NUFIP2: variants seen among roughly 807,000 people sequenced by gnomAD.
NUFIP2 encodes FMR1-interacting protein NUFIP2.
A neutral mutation model predicts 56.9 loss-of-function variants in NUFIP2; 6 were observed. That is an observed-to-expected ratio of 0.11 (90% CI 0.06 to 0.21). NUFIP2 has a LOEUF of 0.21. Ranked by LOEUF, NUFIP2 falls within the 10% of genes least tolerant of loss-of-function variation. The probability of loss-of-function intolerance (pLI) is 1.00; values close to 1 mark genes in which losing one functional copy is unlikely to be tolerated. For missense variants in NUFIP2, 828 were observed against 826.8 expected, an observed-to-expected ratio of 1.00 and a Z score of -0.02; for synonymous variants, 321 against 298.2, an observed-to-expected ratio of 1.08 and a Z score of -0.79.
At position 29,286,131 on chromosome 17, in the gene NUFIP2, T is replaced by C. The variant is rs760112009; in HGVS notation, c.1863A>G (p.Ile621Met). The C allele has an allele frequency of 3.7e-6, 6 of 1,614,196 alleles. No homozygotes were observed. In the Admixed American group the frequency reaches 6.7e-5, roughly 18 times the overall value. The change falls in exon 2 of 4, where the codon ATA (isoleucine) becomes ATG (methionine). Residue 621 changes from isoleucine (I) to methionine (M), a missense_variant. This residue lies in a region of NUFIP2 where 404 missense variants were observed against 380.3 expected (regional missense o/e 1.06). Transcript: ENST00000225388. The stretch of plus-strand genomic sequence containing the variant: ...GAGAGGCCAGAGGATTTTGACTTTC[T>C]ATCTCGTAGTCCTTTGAGAGAAACA... ...ALVFLSKDYE[I>M]ESQNPLASPT... is the part of the protein sequence containing the mutation.
Position 29,293,859 on chromosome 17 carries a change from C to T in NUFIP2, c.201G>A (p.Lys67=), listed in dbSNP as rs759145753. The T allele has an allele frequency of 6.2e-7, 1 of 1,613,154 alleles. No homozygotes were observed. Among genetic ancestry groups the T allele is most frequent in the South Asian group, 1.1e-5 (1 of 91,040 alleles). Residue 67 remains lysine (K), a synonymous_variant, in exon 1 of 4, where the codon AAG becomes AAA. Transcript: ENST00000225388. ...CATGTTTCAGCGGCTTTGGCTGGGC[C>T]TTGGGGCTGCCCTCGGCTCCATGCT... ...YLQHGAEGSP[K]AQPKPLKHEQ...
intron 2 of NUFIP2, among the ~76,000 whole-genome samples, chr17:29,277,393 T>C (rs1475336847): frequency 6.6e-6 from 1 of 152,122 alleles, no homozygotes; most frequent in South Asian, 2.1e-4. Flanking sequence ...ATCAACATAA[T>C]GCCAAACAAA....
rs2069000734 is a variant in NUFIP2, at chr17:29,261,237, T to A, written c.*3302A>T. Reference sequence around the variant, plus strand: ...GGTCATAATTTCATTCTTAGTGCCATTTTTCAATACTACCCTTTTAAGGAT... The same window carrying A: ...GGTCATAATTTCATTCTTAGTGCCAATTTTCAATACTACCCTTTTAAGGAT... On this transcript the variant is annotated 3_prime_UTR_variant, in exon 4 of 4. Transcript: ENST00000225388. 1 of 152,168 alleles carries A rather than the reference T, an allele frequency of 6.6e-6. No individual in the cohort carries two copies. Among genetic ancestry groups the A allele is most frequent in the Non-Finnish European group, 1.5e-5 (1 of 67,998 alleles). 9.4% of individuals were successfully genotyped at this position (152,168 alleles called of 1,614,324 possible). A position where few individuals can be genotyped will look rare whatever the true frequency, so the allele number is the denominator to read the frequency against.
At position 29,287,679 on chromosome 17, in the gene NUFIP2, T is replaced by G; in HGVS notation, c.315A>C (p.Glu105Asp). 6.2e-7 allele frequency: 1 copy of G among 1,612,314 alleles called. No individual in the cohort carries two copies. Among genetic ancestry groups the G allele is most frequent in the East Asian group, 2.2e-5 (1 of 44,862 alleles). Residue 105 changes from glutamate (E) to aspartate (D), a missense_variant, in exon 2 of 4, where the codon GAA (glutamate) becomes GAC (aspartate). By Grantham distance (45) the Glu-to-Asp change is conservative. Transcript: ENST00000225388. ...CAGAACTCAGGTTCTTTAAAGATAT[T>G]TCTCTTTCTCCAGCATTACCGTTTA... The part of the protein sequence containing the change: ...GELNGNAGER[E>D]ISLKNLSSDE...
chr17:29,268,165 C>G (rs913976904), intron 2 of NUFIP2, among the ~76,000 whole-genome samples: 2 of 152,206 alleles, frequency 1.3e-5, no homozygotes, highest in Non-Finnish European at 2.9e-5. Context: ...TCCTAAAATG[C>G]TGGGATCACA....
At chr17:29,276,042 A>ATATATATATATATATATATC (rs1206998852) in intron 2 of NUFIP2, among the ~76,000 whole-genome samples, 12 of 150,262 alleles carry the variant, frequency 8.0e-5, no homozygotes, top group African/African-American at 3.0e-4. Context: ...ATATATATAT[A>ATATATATATATATATATATC]TATATATCTG....
Position 29,286,989 on chromosome 17 carries a change from G to A in NUFIP2, c.1005C>T (p.Thr335=), listed in dbSNP as rs141446231. ...SAVASKEDSW[T]LFKPPPVFPV... is the part of the protein sequence containing the mutation. ...GAAAAACTGGGGGTGGTTTAAATAG[G>A]GTCCACGAGTCCTCTTTGGAGGCAA... is the stretch of plus-strand genomic sequence containing the variant. The change falls in exon 2 of 4, where the codon ACC becomes ACT. Residue 335 remains threonine (T), a synonymous_variant. Transcript: ENST00000225388. The A allele has an allele frequency of 1.1e-4, 177 of 1,614,042 alleles. No homozygotes were observed. The highest frequency in any genetic ancestry group is 1.4e-4 in the Non-Finnish European group (168 of 1,180,018).
intron 2 of NUFIP2, among the ~76,000 whole-genome samples, chr17:29,268,086 ATGG>A (rs1263906861): frequency 1.3e-5 from 2 of 152,006 alleles, no homozygotes; most frequent in African/African-American, 4.8e-5. Flanking sequence ...TTTAGTAGAG[ATGG>A]GGTTTCACCA....
intron 2 of NUFIP2, among the ~76,000 whole-genome samples, chr17:29,278,906 G>C (rs1004147758): frequency 2.0e-5 from 3 of 152,158 alleles, no homozygotes; most frequent in African/African-American, 7.2e-5. Context: ...CTCACTGGGA[G>C]AAAGGGGACC....
intron 2 of NUFIP2, among the ~76,000 whole-genome samples, chr17:29,271,639 T>C (rs1303254881): frequency 6.6e-6 from 1 of 152,162 alleles, no homozygotes; most frequent in Non-Finnish European, 1.5e-5. Flanking sequence ...ATTAATTACT[T>C]CTTTGACTAC....
At chr17:29,291,987 G>A (rs1217837379) in intron 1 of NUFIP2, among the ~76,000 whole-genome samples, 1 of 152,070 alleles carries the variant, frequency 6.6e-6, no homozygotes, top group Admixed American at 6.6e-5. Context: ...AATTTGATAC[G>A]CTGGGTTTAA....
intron 1 of NUFIP2, among the ~76,000 whole-genome samples, chr17:29,288,948 A>G (rs968490282): frequency 6.6e-6 from 1 of 152,192 alleles, no homozygotes; most frequent in African/African-American, 2.4e-5. Context: ...GTTCAAGACC[A>G]GCCTGGGCAA....
rs751882640 is a variant in NUFIP2, at chr17:29,262,340, C to G, written c.*2199G>C. 6.6e-6 allele frequency: 1 copy of G among 152,376 alleles called. No homozygotes were observed. Among genetic ancestry groups the G allele is most frequent in the Non-Finnish European group, 1.5e-5 (1 of 67,966 alleles). The allele number at this position is 152,376 out of a possible 1,614,324, so 9.4% of individuals were successfully genotyped here. On this transcript the variant is annotated 3_prime_UTR_variant, in exon 4 of 4. Transcript: ENST00000225388. ...TTAAAACCTGTAAAACAAACTGGAG[C>G]CTTTTTTCCCTTTAATCAACCTTAT...
At chr17:29,272,522 G>A (rs755080319) in intron 2 of NUFIP2, among the ~76,000 whole-genome samples, 1 of 152,110 alleles carries the variant, frequency 6.6e-6, no homozygotes, top group Non-Finnish European at 1.5e-5. Flanking sequence ...TTACAGGCGT[G>A]AGCCGCTGCA....
At position 29,264,518 on chromosome 17, in the gene NUFIP2, A is replaced by T; in HGVS notation, c.*21T>A. On this transcript the variant is annotated 3_prime_UTR_variant, in exon 4 of 4. Transcript: ENST00000225388. ...ATGGCTCTAATGCTGCAGAAAGGTT[A>T]CGAATAGGCAGTCTGGTCCTTCATT... 1.9e-6 allele frequency: 3 copies of T among 1,581,154 alleles called. No homozygotes were observed. The highest frequency in any genetic ancestry group is 2.6e-6 in the Non-Finnish European group (3 of 1,150,680).
rs1156384955 is a variant in NUFIP2, at chr17:29,287,724, AG to A, written c.278-9del. 3 of 1,556,394 alleles carry A rather than the reference AG, an allele frequency of 1.9e-6. No individual in the cohort carries two copies. Among genetic ancestry groups the A allele is most frequent in the Non-Finnish European group, 2.6e-6 (3 of 1,160,394 alleles). On this transcript the variant is annotated splice_polypyrimidine_tract_variant and intron_variant, in intron 1 of 3. Coordinates refer to ENST00000225388, the MANE Select transcript of NUFIP2 (RefSeq NM_020772.3). The stretch of plus-strand genomic sequence containing the variant: ...CGTTTAGTTCACCATAGCCTAGGGG[AG>A]GGGAAAAAAAGGATTAAAAAAAAAA...
Position 29,261,363 on chromosome 17 carries a change from A to G in NUFIP2, c.*3176T>C, listed in dbSNP as rs1373383083. 6.6e-6 allele frequency: 1 copy of G among 151,806 alleles called. No individual in the cohort carries two copies. The highest frequency in any genetic ancestry group is 2.4e-5 in the African/African-American group (1 of 41,346). 9.4% of individuals were successfully genotyped at this position (151,806 alleles called of 1,614,324 possible). ...AATGTCTTATACACATTCATTTACT[A>G]ATTTTTAATATCTCCATCTTTTCCT... On this transcript the variant is annotated 3_prime_UTR_variant, in exon 4 of 4. Transcript: ENST00000225388.
chr17:29,264,393 A>G lies in NUFIP2; in HGVS notation c.*146T>C, dbSNP rs566461350. ...TAAATAACTATATATATATATATGT[A>G]TATATATATATTTGTATATATTATC... is the stretch of plus-strand genomic sequence containing the variant. On this transcript the variant is annotated 3_prime_UTR_variant, in exon 4 of 4. Coordinates refer to ENST00000225388, the MANE Select transcript of NUFIP2 (RefSeq NM_020772.3). 4.3e-4 allele frequency: 92 copies of G among 213,032 alleles called. No homozygotes were observed. The highest frequency in any genetic ancestry group is 7.0e-4 in the Non-Finnish European group (75 of 107,826). The allele number at this position is 213,032 out of a possible 1,614,324, so 13.2% of individuals were successfully genotyped here.
At chr17:29,276,215 C>G (rs1329058391) in intron 2 of NUFIP2, among the ~76,000 whole-genome samples, 1 of 151,876 alleles carries the variant, frequency 6.6e-6, no homozygotes, top group Non-Finnish European at 1.5e-5. Flanking sequence ...AAACTTGTAC[C>G]ATTCATCTTC....
Sources: allele counts gnomAD v4.1 joint callset (sites outside exome capture counted in the v4.1 genomes callset), GRCh38; gene constraint gnomAD v4.1.1; regional missense constraint gnomAD v4.1.1; transcripts MANE v1.5; gene names NCBI Gene and HGNC (gene_info 2026-07-23, HGNC 2026-07-21).